Variants in RGS12 observed in about 807,000 individuals in gnomAD.
The protein encoded by RGS12 is regulator of G-protein signaling 12.
Under a neutral mutation model 120.1 loss-of-function variants are expected in RGS12, and 66 were observed. That is an observed-to-expected ratio of 0.55 (90% CI 0.45 to 0.67). The LOEUF (loss-of-function observed/expected upper bound fraction) is 0.67. Among genes scored for constraint, RGS12 ranks in the 30% least tolerant of loss-of-function variants. RGS12 has a pLI of 0.00. For missense variants in RGS12, 1,859 were observed against 1,957.7 expected (o/e 0.95, Z 0.95); for synonymous variants, 827 against 804.7 (o/e 1.03, Z -0.47).
intron 1 of RGS12, among the ~76,000 whole-genome samples, chr4:3,308,128 C>T (rs367659181): frequency 1.4e-4 from 21 of 152,334 alleles, no homozygotes; most frequent in African/African-American, 5.0e-4. Context: ...CAGTGCCCGT[C>T]CATCTGGTGC....
At position 3,390,352 on chromosome 4, in the gene RGS12, C is replaced by T. The variant is rs185412707; in HGVS notation, c.2020+3915C>T. On this transcript the variant is annotated intron_variant, in intron 4 of 17. Coordinates refer to ENST00000336727, the MANE Select transcript of RGS12 (RefSeq NM_001394154.1). The surrounding 1 kb of genome is among the most constrained non-coding windows in gnomAD (Gnocchi z 4.6). Reference sequence around the variant, plus strand: ...TCCACGTGGCAGGTCAGAGTTGTCCCGGCACCCGGCACAGCGGCTGGCACG... The same window carrying T: ...TCCACGTGGCAGGTCAGAGTTGTCCTGGCACCCGGCACAGCGGCTGGCACG... Among the ~76,000 whole-genome samples, 121 of 152,300 alleles carry T rather than the reference C, an allele frequency of 7.9e-4. No individual in the cohort carries two copies. Among genetic ancestry groups the T allele is most frequent in the Non-Finnish European group, 1.5e-3 (100 of 68,028 alleles).
chr4:3,312,913 C>A, intron 1 of RGS12: 2 of 153,152 alleles, frequency 1.3e-5, no homozygotes. Flanking sequence ...ATACAGTTTT[C>A]TCCAAAAAAA....
intron 2 of RGS12, among the ~76,000 whole-genome samples, chr4:3,325,910 T>C (rs1725526514): frequency 6.6e-6 from 1 of 152,106 alleles, no homozygotes; most frequent in South Asian, 2.1e-4. Flanking sequence ...ATCCCATAAA[T>C]AGAATTAGGA....
chr4:3,341,887 G>T (rs1026227557), intron 2 of RGS12, among the ~76,000 whole-genome samples: 3 of 149,544 alleles, frequency 2.0e-5, no homozygotes, highest in African/African-American at 5.0e-5. Flanking sequence ...GTGGTGTGGG[G>T]CTGGGCCGTG....
chr4:3,370,140 C>A, intron 3 of RGS12: 1 of 1,520,552 alleles, frequency 6.6e-7, no homozygotes, highest in South Asian at 1.3e-5. Context: ...GTCCTGTTGC[C>A]ATGGGTTACG....
chr4:3,289,844 G>T (rs1355178436), upstream of RGS12, among the ~76,000 whole-genome samples: 1 of 152,170 alleles, frequency 6.6e-6, no homozygotes, highest in Non-Finnish European at 1.5e-5. Context: ...CTGGTAACCT[G>T]CATCCTACTC....
chr4:3,335,454 C>G (rs917388885), intron 2 of RGS12, among the ~76,000 whole-genome samples: 1 of 152,226 alleles, frequency 6.6e-6, no homozygotes, highest in Non-Finnish European at 1.5e-5. Flanking sequence ...AGCCCACCCT[C>G]TATGACACCG....
chr4:3,312,403 C>T (rs1336752626), intron 1 of RGS12: 5 of 191,054 alleles, frequency 2.6e-5, no homozygotes, highest in Admixed American at 5.3e-5. Context: ...GTGTCTTCTC[C>T]TTGGCCCCTT....
chr4:3,305,979 T>TCGAA (rs1461286739), intron 1 of RGS12, among the ~76,000 whole-genome samples: 6 of 152,208 alleles, frequency 3.9e-5, no homozygotes, highest in African/African-American at 1.4e-4. Flanking sequence ...CAGTGATAGT[T>TCGAA]CTAACTTTAT....
At chr4:3,335,341 A>G (rs1335813837) in intron 2 of RGS12, among the ~76,000 whole-genome samples, 1 of 152,208 alleles carries the variant, frequency 6.6e-6, no homozygotes, top group African/African-American at 2.4e-5. Flanking sequence ...TGTTGATTCT[A>G]AAATAGTTTT....
intron 4 of RGS12, among the ~76,000 whole-genome samples, chr4:3,394,575 G>T (rs1200305635): frequency 1.3e-5 from 2 of 152,220 alleles, no homozygotes; most frequent in Non-Finnish European, 2.9e-5. Context: ...ATGTAGAAAG[G>T]TGGCTCTATT....
At chr4:3,428,267 T>C (rs1282043750) in intron 15 of RGS12, 98 bp downstream of exon 15, 1 of 1,091,226 alleles carries the variant, frequency 9.2e-7, no homozygotes, top group Non-Finnish European at 1.4e-6. Flanking sequence ...CGCCTGCTTA[T>C]CACTGTGTGT....
intron 1 of RGS12, among the ~76,000 whole-genome samples, chr4:3,309,692 C>T (rs1365734495): frequency 4.9e-4 from 48 of 98,200 alleles, no homozygotes; most frequent in East Asian, 2.0e-3. Context: ...TGAGGGGAAC[C>T]GTGCAGGGGA....
intron 16 of RGS12, 124 bp from the exon 17 acceptor site, chr4:3,430,280 CTTG>C: frequency 1.2e-6 from 1 of 824,038 alleles, no homozygotes; most frequent in South Asian, 1.7e-5. Flanking sequence ...GAAAAGGGCT[CTTG>C]TTGACCCACA....
chr4:3,378,475 C>G (rs145497441), intron 3 of RGS12: 1 of 152,108 alleles, frequency 6.6e-6, no homozygotes, highest in Non-Finnish European at 1.5e-5. Context: ...AAATGAAAAA[C>G]GAACCTGTGA....
chr4:3,406,570 G>A (rs941246215), intron 4 of RGS12, among the ~76,000 whole-genome samples: 9 of 152,212 alleles, frequency 5.9e-5, no homozygotes, highest in African/African-American at 1.9e-4. Context: ...AGTTGCTGTC[G>A]GGGGCCGCTT....
chr4:3,336,899 G>A (rs548931087), intron 2 of RGS12, among the ~76,000 whole-genome samples: 1 of 151,586 alleles, frequency 6.6e-6, no homozygotes, highest in East Asian at 1.9e-4. Flanking sequence ...TAAAAAATGG[G>A]CAAAAGTCCA....
intron 14 of RGS12, among the ~76,000 whole-genome samples, chr4:3,425,953 C>T (rs62636034): frequency 1.9e-4 from 2 of 10,624 alleles, no homozygotes; most frequent in African/African-American, 5.3e-4. Flanking sequence ...GTGGGGCCAG[C>T]GCAGGGGAGG....
In RGS12 at chr4:3,316,237, G is replaced by A; in HGVS notation, c.67G>A (p.Val23Met). The change falls in exon 2 of 18, where the codon GTG (valine) becomes ATG (methionine). Residue 23 changes from valine to methionine, a missense_variant. This residue lies in a region of RGS12 where 967 missense variants were observed against 994.2 expected (regional missense o/e 0.97). Transcript: ENST00000336727. The stretch of plus-strand genomic sequence containing the variant: ...GCCGTCGCCCCCAAGGGTGCGGAGT[G>A]TGGAGGTTGCCCGGGGGAGGGCCGG... ...PGPSPPRVRS[V>M]EVARGRAGYG... The A allele has an allele frequency of 1.2e-6, 2 of 1,613,010 alleles. No homozygotes were observed. Among genetic ancestry groups the A allele is most frequent in the Non-Finnish European group, 1.7e-6 (2 of 1,179,380 alleles).
Sources: allele counts gnomAD v4.1 joint callset (sites outside exome capture counted in the v4.1 genomes callset), GRCh38; gene constraint gnomAD v4.1.1; regional missense constraint gnomAD v4.1.1; non-coding constraint Gnocchi (gnomAD v3.1); transcripts MANE v1.5; gene names NCBI Gene and HGNC (gene_info 2026-07-23, HGNC 2026-07-21).